CD36: variants seen among roughly 807,000 people sequenced by gnomAD.
CD36 encodes the protein CD36 molecule (CD36 blood group), also known as platelet glycoprotein 4.
CD36 carries 119 observed loss-of-function variants against 55.2 expected under a neutral mutation model. The observed-to-expected ratio is 2.15, with a 90% CI of 1.86 to 2.51. The LOEUF is 2.51. CD36 is among the 30% of genes most tolerant of loss of function. The pLI is 0.00. For synonymous variants in CD36, 186 were observed against 193.6 expected (o/e 0.96, Z 0.33); for missense variants, 819 against 555.5 (o/e 1.47, Z -4.77).
intron 1 of CD36, 134 bp downstream of exon 1, chr7:80,638,880 G>A (rs932657264): frequency 6.6e-6 from 1 of 151,822 alleles, no homozygotes; most frequent in African/African-American, 2.4e-5. Flanking sequence ...GGTAGTAACT[G>A]TTTTCTTAGT....
chr7:80,617,043 G>A (rs907535231), intron 1 of CD36, among the ~76,000 whole-genome samples: 1 of 152,188 alleles, frequency 6.6e-6, no homozygotes, highest in Non-Finnish European at 1.5e-5. Flanking sequence ...CTTGGGAGAG[G>A]TTTTATAATC....
At chr7:80,667,758 T>TTTTGTTTG (rs1367244005) in intron 8 of CD36, among the ~76,000 whole-genome samples, 19 of 141,850 alleles carry the variant, frequency 1.3e-4, no homozygotes, top group Admixed American at 2.8e-4. Context: ...TTTTTTTTTT[T>TTTTGTTTG]TTTTTTTTTT....
At chr7:80,611,913 A>G (rs1792896747) in intron 1 of CD36, among the ~76,000 whole-genome samples, 1 of 152,198 alleles carries the variant, frequency 6.6e-6, no homozygotes, top group African/African-American at 2.4e-5. Flanking sequence ...GGGTTCAGAC[A>G]TAAAAGGTCT....
intron 1 of CD36, among the ~76,000 whole-genome samples, chr7:80,645,590 C>A (rs1795109389): frequency 6.6e-6 from 1 of 151,942 alleles, no homozygotes; most frequent in South Asian, 2.1e-4. Context: ...CGAGATCGTG[C>A]CACTGCACTC....
intron 1 of CD36, among the ~76,000 whole-genome samples, chr7:80,616,769 T>C (rs1033853541): frequency 1.3e-4 from 20 of 152,174 alleles, no homozygotes; most frequent in African/African-American, 4.6e-4. Context: ...CATAGGGCTC[T>C]AGGTTGGTTT....
chr7:80,640,900 C>G (rs999784004), intron 1 of CD36, among the ~76,000 whole-genome samples: 6 of 152,040 alleles, frequency 3.9e-5, no homozygotes, highest in African/African-American at 1.4e-4. Context: ...TTACAGATGT[C>G]TATCAAGTTT....
rs1419700979 is a variant in CD36, at chr7:80,671,235, A to G, written c.1006+71A>G. The G allele has an allele frequency of 1.4e-5, 15 of 1,045,918 alleles. No individual in the cohort carries two copies. The East Asian group carries it at 3.5e-4, about 24-fold the overall frequency. The allele number at this position is 1,045,918 out of a possible 1,614,324, so 64.8% of individuals were successfully genotyped here. A position where few individuals can be genotyped will look rare whatever the true frequency, so the allele number is the denominator to read the frequency against. ...TATTCTTTAAGATGAGAACTTTACC[A>G]TAATCCTTTAGCAACCAAAATTTAA... is the stretch of plus-strand genomic sequence containing the variant. On this transcript the variant is annotated intron_variant, in intron 10 of 14. Transcript: ENST00000447544.
At chr7:80,627,898 A>G (rs1472873835) in intron 1 of CD36, among the ~76,000 whole-genome samples, 1 of 152,016 alleles carries the variant, frequency 6.6e-6, no homozygotes, top group African/African-American at 2.4e-5. Flanking sequence ...GTTAATAAAT[A>G]CCTGTGAAAG....
intron 3 of CD36, among the ~76,000 whole-genome samples, chr7:80,648,471 A>C (rs1345183172): frequency 1.3e-5 from 2 of 152,112 alleles, no homozygotes; most frequent in African/African-American, 4.8e-5. Flanking sequence ...AAACTGGTAC[A>C]TGTAGATTCT....
intron 3 of CD36, among the ~76,000 whole-genome samples, chr7:80,649,660 T>C (rs1215815573): frequency 6.6e-6 from 1 of 152,050 alleles, no homozygotes; most frequent in Non-Finnish European, 1.5e-5. Context: ...TTTATGAACA[T>C]CAGTCTGTGT....
chr7:80,642,677 G>A (rs1376187695), intron 1 of CD36, among the ~76,000 whole-genome samples: 1 of 152,112 alleles, frequency 6.6e-6, no homozygotes, highest in Non-Finnish European at 1.5e-5. Context: ...CTAGTGTCAC[G>A]TATTTTGCCT....
At chr7:80,647,511 T>G (rs1795261020) in intron 3 of CD36, among the ~76,000 whole-genome samples, 1 of 152,096 alleles carries the variant, frequency 6.6e-6, no homozygotes, top group Admixed American at 6.6e-5. Flanking sequence ...ACAGAATGAT[T>G]GAATAGATGG....
chr7:80,632,530 T>C (rs1452486536), intron 1 of CD36, among the ~76,000 whole-genome samples: 1 of 152,090 alleles, frequency 6.6e-6, no homozygotes, highest in Non-Finnish European at 1.5e-5. Context: ...CAGATGTCAA[T>C]ATAATTTTTT....
intron 8 of CD36, among the ~76,000 whole-genome samples, chr7:80,667,747 G>GTTTTTTTTTTTTTTTTTTTTTTTTTTTTT (rs1165767460): frequency 6.1e-5 from 5 of 82,634 alleles, no homozygotes; most frequent in African/African-American, 1.7e-4. Context: ...GTTTTCTTTT[G>GTTTTTTTTTTTTTTTTTTTTTTTTTTTTT]TTTTTTTTTT....
Position 80,674,010 on chromosome 7 carries a change from A to C in CD36, c.1282A>C (p.Asn428His). The change falls in exon 14 of 15, where the codon AAC (asparagine) becomes CAC (histidine). Residue 428 changes from asparagine (N) to histidine (H), a missense_variant. Asn to His is a moderately conservative substitution (Grantham distance 68). Coordinates refer to ENST00000447544, the MANE Select transcript of CD36 (RefSeq NM_001001548.3). ...ETGTIGDEKA[N>H]MFRSQVTGKI... Reference sequence around the variant, plus strand: ...TGGGACCATTGGTGATGAGAAGGCAAACATGTTCAGAAGTCAAGTAACTGG... The same window carrying C: ...TGGGACCATTGGTGATGAGAAGGCACACATGTTCAGAAGTCAAGTAACTGG... 1 of 1,612,290 alleles carries C rather than the reference A, an allele frequency of 6.2e-7. No individual in the cohort carries two copies. Among genetic ancestry groups the C allele is most frequent in the Non-Finnish European group, 8.5e-7 (1 of 1,178,770 alleles).
Position 80,677,896 on chromosome 7 carries a change from G to A in CD36, c.*1513G>A, listed in dbSNP as rs1182781186. The A allele has an allele frequency of 1.3e-5, 2 of 152,096 alleles. No homozygotes were observed. Among genetic ancestry groups the A allele is most frequent in the Non-Finnish European group, 2.9e-5 (2 of 68,030 alleles). 9.4% of individuals were successfully genotyped at this position (152,096 alleles called of 1,614,324 possible). On this transcript the variant is annotated 3_prime_UTR_variant, in exon 15 of 15. Coordinates refer to ENST00000447544, the MANE Select transcript of CD36 (RefSeq NM_001001548.3). ...TATCAGAAAAGGTTTTGACCTATAT[G>A]TCTTTAATATTGTTTGAATACATGT...
chr7:80,674,971 T>TTCTA (rs1273388261), intron 14 of CD36, among the ~76,000 whole-genome samples: 1 of 152,162 alleles, frequency 6.6e-6, no homozygotes, highest in East Asian at 1.9e-4. Flanking sequence ...TCAGCATCCA[T>TTCTA]TCTATCTTCT....
At chr7:80,615,010 C>T (rs1793069397) in intron 1 of CD36, among the ~76,000 whole-genome samples, 1 of 151,994 alleles carries the variant, frequency 6.6e-6, no homozygotes, top group Non-Finnish European at 1.5e-5. Flanking sequence ...AGTATTTCTC[C>T]CACTTGTGAT....
intron 1 of CD36, among the ~76,000 whole-genome samples, chr7:80,631,808 A>G (rs528649825): frequency 6.6e-6 from 1 of 151,054 alleles, no homozygotes; most frequent in Non-Finnish European, 1.5e-5. Flanking sequence ...GAAGTTTTAT[A>G]TATATTTTAT....
Sources: allele counts gnomAD v4.1 joint callset (sites outside exome capture counted in the v4.1 genomes callset), GRCh38; gene constraint gnomAD v4.1.1; transcripts MANE v1.5; gene names NCBI Gene and HGNC (gene_info 2026-07-23, HGNC 2026-07-21).